The following CAP1 variants were observed in gnomAD, a reference collection of about 807,000 sequenced individuals.
The protein encoded by CAP1 is adenylyl cyclase-associated protein 1.
A neutral mutation model predicts 58.2 loss-of-function variants in CAP1; 11 were observed. That is an observed-to-expected ratio of 0.19 (90% confidence interval 0.12 to 0.31). The LOEUF (loss-of-function observed/expected upper bound fraction) is 0.31, where lower values mean the gene tolerates loss of function less well. CAP1 is among the 10% of genes least tolerant of loss of function. CAP1 has a pLI of 1.00. For missense variants in CAP1, 423 were observed against 587.5 expected, an observed-to-expected ratio of 0.72 and a Z score of 2.89; for synonymous variants, 183 against 213.8, an observed-to-expected ratio of 0.86 and a Z score of 1.26.
intron 1 of CAP1, among the ~76,000 whole-genome samples, chr1:40,055,546 T>C (rs2124298667): frequency 6.6e-6 from 1 of 152,260 alleles, no homozygotes; most frequent in South Asian, 2.1e-4. Context: ...TCTTGCTTTG[T>C]TGCCCAGGCT....
intron 4 of CAP1, among the ~76,000 whole-genome samples, chr1:40,062,952 A>G (rs887758009): frequency 3.3e-5 from 5 of 152,058 alleles, no homozygotes; most frequent in African/African-American, 1.2e-4. Context: ...CAAGGTGCCT[A>G]CTTGAATGCT....
intron 1 of CAP1, among the ~76,000 whole-genome samples, chr1:40,049,178 A>ATTTTTTTTTTTTTTTTTTGTTTTT (rs1646242602): frequency 1.2e-5 from 1 of 84,880 alleles, no homozygotes; most frequent in African/African-American, 4.8e-5. Context: ...GCCATTTCTA[A>ATTTTTTTTTTTTTTTTTTGTTTTT]TTTTTTTTTT....
In CAP1 at chr1:40,071,872, C is replaced by G; in HGVS notation, c.*339C>G. On this transcript the variant is annotated 3_prime_UTR_variant, in exon 13 of 13. Transcript: ENST00000372805. The stretch of plus-strand genomic sequence containing the variant: ...AACAAACAGTCCATTGGAAAGAAAA[C>G]AGTCCCTGGAATTAACAGATCAGAA... 4 of 442,008 alleles carry G rather than the reference C, an allele frequency of 9.0e-6. No homozygotes were observed. The allele number at this position is 442,008 out of a possible 1,614,324, so 27.4% of individuals were successfully genotyped here. A position where few individuals can be genotyped will look rare whatever the true frequency, so the allele number is the denominator to read the frequency against.
In CAP1 at chr1:40,064,935, T is replaced by G. The variant is rs573508520; in HGVS notation, c.524+376T>G. ...TGCTGGAGTAGCACTTTGGAGTTAC[T>G]GAGGGCTGCCCTTAGCCACTGTGCT... is the stretch of plus-strand genomic sequence containing the variant. On this transcript the variant is annotated intron_variant, in intron 6 of 12. Transcript: ENST00000372805. Among the ~76,000 whole-genome samples the G allele has an allele frequency of 3.3e-5, 5 of 152,338 alleles. No homozygotes were observed. In the East Asian group the frequency reaches 9.6e-4, roughly 29 times the overall value.
chr1:40,070,367 T>C, intron 10 of CAP1, 63 bp from the exon 11 acceptor site: 1 of 1,597,652 alleles, frequency 6.3e-7, no homozygotes, highest in Non-Finnish European at 8.5e-7. Context: ...TCCTTAAAGA[T>C]TCCTAAATGT....
Position 40,069,733 on chromosome 1 carries a change from T to C in CAP1, c.852T>C (p.Pro284=). ...VSDDMKTHKN[P]ALKAQSGPVR... is the part of the protein sequence containing the mutation. ...ATGACATGAAGACTCACAAGAACCCTGCCCTGAAGGCTCAGAGTGGTCCAG... is the reference window on the plus strand; with the variant it reads ...ATGACATGAAGACTCACAAGAACCCCGCCCTGAAGGCTCAGAGTGGTCCAG... The change falls in exon 9 of 13, where the codon CCT becomes CCC. Residue 284 remains proline, a synonymous_variant. Transcript: ENST00000372805. 6.2e-7 allele frequency: 1 copy of C among 1,613,856 alleles called. No individual in the cohort carries two copies. The highest frequency in any genetic ancestry group is 8.5e-7 in the Non-Finnish European group (1 of 1,179,862).
intron 1 of CAP1, among the ~76,000 whole-genome samples, chr1:40,054,566 G>T (rs953670916): frequency 6.6e-6 from 1 of 152,168 alleles, no homozygotes; most frequent in Non-Finnish European, 1.5e-5. Context: ...GACTGTTAGA[G>T]GAGATCAGAT....
intron 1 of CAP1, chr1:40,041,581 C>CT (rs1645832237): frequency 6.6e-6 from 1 of 152,358 alleles, no homozygotes; most frequent in Admixed American, 6.5e-5. Context: ...CCTTAAACTT[C>CT]TTTCAGCCTC....
chr1:40,048,224 G>A (rs896385981), intron 1 of CAP1, among the ~76,000 whole-genome samples: 1 of 151,868 alleles, frequency 6.6e-6, no homozygotes, highest in African/African-American at 2.4e-5. Flanking sequence ...TGTATTTTTA[G>A]TAGAGACGGG....
chr1:40,061,947 G>C, intron 4 of CAP1, 135 bp downstream of exon 4: 1 of 710,904 alleles, frequency 1.4e-6, no homozygotes, highest in Non-Finnish European at 2.5e-6. Context: ...AAGTCCCAGA[G>C]GTAGAGCCAT....
In CAP1 at chr1:40,070,861, C is replaced by T. The variant is rs1422852636; in HGVS notation, c.1226C>T (p.Ser409Phe). 6.2e-7 allele frequency: 1 copy of T among 1,612,782 alleles called. No individual in the cohort carries two copies. The highest frequency in any genetic ancestry group is 8.5e-7 in the Non-Finnish European group (1 of 1,179,716). The change falls in exon 12 of 13, where the codon TCC becomes TTC. Residue 409 changes from serine (S) to phenylalanine (F), a missense_variant. Coordinates refer to ENST00000372805, the MANE Select transcript of CAP1 (RefSeq NM_006367.4). Reference sequence around the variant, plus strand: ...GTAATGGGTAAAGTGCCAACCATATCCATCAACAAAACAGATGGCTGCCAT... The same window carrying T: ...GTAATGGGTAAAGTGCCAACCATATTCATCAACAAAACAGATGGCTGCCAT... ...VQVMGKVPTI[S>F]INKTDGCHAY...
At chr1:40,064,051 T>C (rs1378905305) in intron 4 of CAP1, among the ~76,000 whole-genome samples, 176 bp from the exon 5 acceptor site, 3 of 152,190 alleles carry the variant, frequency 2.0e-5, no homozygotes, top group African/African-American at 7.2e-5. Flanking sequence ...GTTGGAACTC[T>C]ACGAGGAGAG....
At chr1:40,062,917 CACAA>C (rs1445290055) in intron 4 of CAP1, among the ~76,000 whole-genome samples, 1 of 152,040 alleles carries the variant, frequency 6.6e-6, no homozygotes, top group Non-Finnish European at 1.5e-5. Context: ...AGGGTGCAAA[CACAA>C]ACAAAATTCA....
At chr1:40,056,459 C>A (rs1475406749) in intron 1 of CAP1, among the ~76,000 whole-genome samples, 4 of 152,062 alleles carry the variant, frequency 2.6e-5, no homozygotes, top group Non-Finnish European at 5.9e-5. Context: ...TCATGCCCGG[C>A]TAATTTTTTT....
intron 1 of CAP1, among the ~76,000 whole-genome samples, chr1:40,048,603 A>G (rs187077624): frequency 1.3e-5 from 2 of 152,328 alleles, no homozygotes; most frequent in East Asian, 3.9e-4. Context: ...TGTTAAAAGA[A>G]AGTTTGGAAA....
At position 40,072,262 on chromosome 1, in the gene CAP1, A is replaced by C. The variant is rs975247790; in HGVS notation, c.*729A>C. ...AGATGACTTTAAAAGGAAAAAAAAA[A>C]AAAAAAAAACCCACATGATTTCAAG... On this transcript the variant is annotated 3_prime_UTR_variant, in exon 13 of 13. Transcript: ENST00000372805. 10 of 292,546 alleles carry C rather than the reference A, an allele frequency of 3.4e-5. No homozygotes were observed. Among genetic ancestry groups the C allele is most frequent in the African/African-American group, 3.3e-4 (10 of 30,190 alleles). The allele number at this position is 292,546 out of a possible 1,614,324, so 18.1% of individuals were successfully genotyped here. A position where few individuals can be genotyped will look rare whatever the true frequency, so the allele number is the denominator to read the frequency against.
chr1:40,060,120 G>T lies in CAP1; in HGVS notation c.166G>T (p.Ala56Ser). 1 of 1,613,810 alleles carries T rather than the reference G, an allele frequency of 6.2e-7. No homozygotes were observed. Among genetic ancestry groups the T allele is most frequent in the African/African-American group, 1.3e-5 (1 of 75,026 alleles). The change falls in exon 3 of 13, where the codon GCA (alanine) becomes TCA (serine). Residue 56 changes from alanine (A) to serine (S), a missense_variant. By Grantham distance (99) the Ala-to-Ser change is moderately conservative. Transcript: ENST00000372805. ...TGACTCGCTGCTTGCTGGTCCTGTG[G>T]CAGAGTACTTGAAGATCAGTAAAGA... ...AFDSLLAGPV[A>S]EYLKISKEIG...
chr1:40,044,977 T>C (rs1025464224), intron 1 of CAP1, among the ~76,000 whole-genome samples: 3 of 151,798 alleles, frequency 2.0e-5, no homozygotes, highest in Admixed American at 2.0e-4. Context: ...TTTGTATTTT[T>C]AGTATAGACG....
intron 1 of CAP1, among the ~76,000 whole-genome samples, chr1:40,052,772 C>T (rs1031309273): frequency 1.2e-4 from 18 of 151,944 alleles, no homozygotes; most frequent in Admixed American, 3.3e-4. Flanking sequence ...AGTTGGCCTC[C>T]ATGGAGAAAA....
Sources: gnomAD v4.1 joint callset for allele counts (sites outside exome capture counted in the v4.1 genomes callset) on GRCh38, gnomAD v4.1.1 for gene constraint, MANE v1.5 for transcripts, NCBI Gene and HGNC (gene_info 2026-07-23, HGNC 2026-07-21) for gene names.